Variants in FAM135A observed in about 807,000 individuals in gnomAD.
FAM135A encodes the protein protein FAM135A.
In FAM135A, 79 loss-of-function variants were observed where a neutral mutation model predicts 146.8. The observed-to-expected ratio is 0.54, with a 90% CI of 0.45 to 0.65. FAM135A has a LOEUF of 0.65. FAM135A is among the 30% of genes least tolerant of loss of function. FAM135A has a pLI of 0.00. For synonymous variants in FAM135A, 562 were observed against 603.6 expected (o/e 0.93, Z 1.01); for missense variants, 1,623 against 1,758.2 (o/e 0.92, Z 1.38).
intron 5 of FAM135A, among the ~76,000 whole-genome samples, chr6:70,454,422 T>C (rs531562318): frequency 4.6e-5 from 7 of 152,338 alleles, no homozygotes; most frequent in Admixed American, 2.6e-4. Context: ...TTAGATCCCA[T>C]TTGTCAATTC....
chr6:70,420,422 G>C (rs1302691164), intron 2 of FAM135A, among the ~76,000 whole-genome samples: 1 of 152,174 alleles, frequency 6.6e-6, no homozygotes, highest in African/African-American at 2.4e-5. Flanking sequence ...ATTGTTTTAG[G>C]ATCACTGTGG....
intron 11 of FAM135A, 44 bp downstream of exon 11, chr6:70,491,127 G>T (rs775346931): frequency 2.8e-6 from 4 of 1,434,560 alleles, no homozygotes; most frequent in East Asian, 4.7e-5. Flanking sequence ...TATTTGAGTG[G>T]TTTCTGTTTC....
intron 10 of FAM135A, among the ~76,000 whole-genome samples, chr6:70,484,778 T>A (rs1784322277): frequency 6.6e-6 from 1 of 152,210 alleles, no homozygotes; most frequent in South Asian, 2.1e-4. Flanking sequence ...GCAGTCCAGT[T>A]CCTAACAGGC....
intron 4 of FAM135A, among the ~76,000 whole-genome samples, chr6:70,451,054 T>C (rs1776978880): frequency 6.6e-6 from 1 of 152,072 alleles, no homozygotes; most frequent in African/African-American, 2.4e-5. Context: ...CTTTCCTCTT[T>C]TTGCTCAAGA....
intron 13 of FAM135A, 50 bp downstream of exon 13, chr6:70,522,636 A>G (rs1793865995): frequency 4.3e-6 from 6 of 1,408,314 alleles, no homozygotes; most frequent in Admixed American, 1.7e-5. Flanking sequence ...CTTTTACATA[A>G]GATACCTGTC....
chr6:70,478,951 A>C (rs1783169048), intron 8 of FAM135A, among the ~76,000 whole-genome samples: 4 of 152,186 alleles, frequency 2.6e-5, no homozygotes, highest in Admixed American at 2.6e-4. Flanking sequence ...ACTTTTAAAT[A>C]ATATACAGTA....
chr6:70,462,077 C>CT (rs1779545571), intron 5 of FAM135A, among the ~76,000 whole-genome samples: 1 of 152,126 alleles, frequency 6.6e-6, no homozygotes, highest in South Asian at 2.1e-4. Context: ...GAAAAACAGT[C>CT]TAAGAAAAAG....
chr6:70,450,552 C>A (rs1776790340), intron 4 of FAM135A, among the ~76,000 whole-genome samples: 2 of 151,762 alleles, frequency 1.3e-5, no homozygotes, highest in South Asian at 4.2e-4. Context: ...GTTCTTGGCA[C>A]CTTTGTCAAA....
In FAM135A at chr6:70,452,374, G is replaced by A. The variant is rs924096451; in HGVS notation, c.78-118G>A. On this transcript the variant is annotated intron_variant, in intron 4 of 21. Transcript: ENST00000418814. Reference sequence around the variant, plus strand: ...TTTTCCAACAATAGTAAATGTTATGGGAGACTGATATAATTAGGCCAACTT... The same window carrying A: ...TTTTCCAACAATAGTAAATGTTATGAGAGACTGATATAATTAGGCCAACTT... The A allele has an allele frequency of 8.5e-6, 6 of 702,606 alleles. No homozygotes were observed. In the African/African-American group the frequency reaches 1.1e-4, roughly 13 times the overall value. 43.5% of individuals were successfully genotyped at this position (702,606 alleles called of 1,614,324 possible).
At chr6:70,467,748 C>T (rs1377193287) in intron 5 of FAM135A, among the ~76,000 whole-genome samples, 8 of 151,974 alleles carry the variant, frequency 5.3e-5, no homozygotes, top group Non-Finnish European at 1.0e-4. Context: ...TCTCTCTCAT[C>T]GCTTCTCTCT....
chr6:70,463,267 T>A (rs1462082030), intron 5 of FAM135A, among the ~76,000 whole-genome samples: 1 of 152,076 alleles, frequency 6.6e-6, no homozygotes, highest in Non-Finnish European at 1.5e-5. Context: ...TTCTTTTTTT[T>A]GAGATAGGGT....
At chr6:70,424,252 C>T (rs1769524078) in intron 2 of FAM135A, among the ~76,000 whole-genome samples, 1 of 152,180 alleles carries the variant, frequency 6.6e-6, no homozygotes, top group Admixed American at 6.5e-5. Flanking sequence ...CTTGCTACTG[C>T]AGGTTTTCCA....
At chr6:70,433,966 C>G (rs1772366521) in intron 4 of FAM135A, among the ~76,000 whole-genome samples, 1 of 152,080 alleles carries the variant, frequency 6.6e-6, no homozygotes. Flanking sequence ...TTACTCTATT[C>G]TATCATTTTG....
At chr6:70,553,248 C>T (rs1309297599) in intron 20 of FAM135A, among the ~76,000 whole-genome samples, 3 of 152,238 alleles carry the variant, frequency 2.0e-5, no homozygotes, top group African/African-American at 7.2e-5. Flanking sequence ...CCTATAACTG[C>T]ACACCATAGA....
intron 4 of FAM135A, among the ~76,000 whole-genome samples, chr6:70,451,737 A>G (rs1777129762): frequency 6.6e-6 from 1 of 152,142 alleles, no homozygotes. Context: ...TTGAAGAAAA[A>G]CAAACATTAA....
intron 20 of FAM135A, among the ~76,000 whole-genome samples, chr6:70,549,367 G>A (rs1388682617): frequency 6.6e-6 from 1 of 151,844 alleles, no homozygotes; most frequent in Admixed American, 6.6e-5. Context: ...AATATTAAGT[G>A]AAAAAAGACA....
At chr6:70,447,796 A>AT (rs1181758014) in intron 4 of FAM135A, among the ~76,000 whole-genome samples, 6 of 151,832 alleles carry the variant, frequency 4.0e-5, no homozygotes, top group Non-Finnish European at 7.4e-5. Flanking sequence ...TGACTCGCTG[A>AT]TTTTTTCTAC....
At position 70,525,296 on chromosome 6, in the gene FAM135A, G is replaced by A; in HGVS notation, c.2212G>A (p.Ala738Thr). ...SLTKLRSNLP[A>T]PSTKEYHVVV... ...AACTAAATTACGAAGTAATCTACCT[G>A]CCCCTTCTACAAAAGAATATCATGT... The change falls in exon 15 of 22, where the codon GCC becomes ACC. Residue 738 changes from alanine (A) to threonine (T), a missense_variant. This residue lies in a region of FAM135A where 1,061 missense variants were observed against 1,113.8 expected (regional missense o/e 0.95). Coordinates refer to ENST00000418814, the MANE Select transcript of FAM135A (RefSeq NM_001162529.3). The A allele has an allele frequency of 1.2e-6, 2 of 1,607,916 alleles. No homozygotes were observed. Among genetic ancestry groups the A allele is most frequent in the Non-Finnish European group, 1.7e-6 (2 of 1,177,442 alleles).
rs1269144258 is a variant in FAM135A at position 70,526,018 on chromosome 6, T to G, written c.2934T>G (p.Cys978Trp). The G allele has an allele frequency of 3.3e-5, 54 of 1,612,190 alleles. No homozygotes were observed. The highest frequency in any genetic ancestry group is 4.5e-5 in the Non-Finnish European group (53 of 1,179,388). Residue 978 changes from cysteine (C) to tryptophan (W), a missense_variant, in exon 15 of 22, where the codon TGT (cysteine) becomes TGG (tryptophan). Transcript: ENST00000418814. ...AACTGATTTGTTTAGGCACTCCTTG[T>G]GTCATTTCAGGTTCCATTTCTAGTA... ...NSKLICLGTP[C>W]VISGSISSNT... is the part of the protein sequence containing the mutation.
Sources: allele counts gnomAD v4.1 joint callset (sites outside exome capture counted in the v4.1 genomes callset), GRCh38; gene constraint gnomAD v4.1.1; regional missense constraint gnomAD v4.1.1; transcripts MANE v1.5; gene names NCBI Gene and HGNC (gene_info 2026-07-23, HGNC 2026-07-21).